The following CDHR3 variants were observed in gnomAD, a reference collection of about 807,000 sequenced individuals.
The protein encoded by CDHR3 is cadherin-related family member 3.
In CDHR3, 79 loss-of-function variants were observed where a neutral mutation model predicts 86.6. That is an observed-to-expected ratio of 0.91 (90% CI 0.76 to 1.10). The LOEUF (loss-of-function observed/expected upper bound fraction) is 1.10, where lower values mean the gene tolerates loss of function less well. Among genes scored for constraint, CDHR3 ranks in the 50% least tolerant of loss-of-function variants. CDHR3 has a pLI of 0.00. For missense variants in CDHR3, 1,081 were observed against 1,077.6 expected, an observed-to-expected ratio of 1.00 and a Z score of -0.04; for synonymous variants, 421 against 402.4, an observed-to-expected ratio of 1.05 and a Z score of -0.55.
rs768150807 is a variant in CDHR3 at position 106,017,564 on chromosome 7, G to GAAACACAC, written c.1427-281_1427-280insAACACACA. Among the ~76,000 whole-genome samples the GAAACACAC allele has an allele frequency of 2.3e-5, 3 of 130,548 alleles. No homozygotes were observed. In the Admixed American group the frequency reaches 2.4e-4, roughly 10 times the overall value. 85.6% of individuals were successfully genotyped at this position (130,548 alleles called of 152,430 possible). A position where few individuals can be genotyped will look rare whatever the true frequency, so the allele number is the denominator to read the frequency against. On this transcript the variant is annotated intron_variant, in intron 11 of 18. Transcript: ENST00000317716. ...ACAGAGTGAGACTCCGTCACACACA[G>GAAACACAC]ACACACACACACACACACACACACA... is the stretch of plus-strand genomic sequence containing the variant.
At chr7:105,965,006 C>G (rs1363289676) in intron 1 of CDHR3, among the ~76,000 whole-genome samples, 1 of 151,882 alleles carries the variant, frequency 6.6e-6, no homozygotes, top group Non-Finnish European at 1.5e-5. Context: ...AGGAAGAACC[C>G]AATTTCTTAT....
intron 17 of CDHR3, among the ~76,000 whole-genome samples, chr7:106,028,941 TTTCTTTC>T (rs1563312060): frequency 1.1e-4 from 16 of 139,370 alleles, no homozygotes; most frequent in African/African-American, 4.3e-4. Context: ...TCTTTCTTTC[TTTCTTTC>T]TTTCTTTCTT....
Position 105,985,855 on chromosome 7 carries a change from C to T in CDHR3, c.513+1566C>T, listed in dbSNP as rs73718735. The stretch of plus-strand genomic sequence containing the variant: ...TTTGTCTGCAAATAACAAAACTTAA[C>T]CATGGGCGTGTACATGGGAACTTTT... On this transcript the variant is annotated intron_variant, in intron 4 of 18. Transcript: ENST00000317716. 2.3e-3 allele frequency among the ~76,000 whole-genome samples: 347 copies of T among 152,304 alleles called. 2 individuals are homozygous for T. The highest frequency in any genetic ancestry group is 7.9e-3 in the African/African-American group (327 of 41,558).
At chr7:105,976,923 A>T (rs1828904649) in intron 2 of CDHR3, among the ~76,000 whole-genome samples, 1 of 151,454 alleles carries the variant, frequency 6.6e-6, no homozygotes, top group South Asian at 2.1e-4. Flanking sequence ...AGTGATGAAG[A>T]TGATCATGTT....
intron 6 of CDHR3, among the ~76,000 whole-genome samples, chr7:105,999,403 C>A (rs1832777382): frequency 6.6e-6 from 1 of 152,198 alleles, no homozygotes; most frequent in African/African-American, 2.4e-5. Flanking sequence ...CTAGATGAGC[C>A]TTCAGAGCAG....
intron 6 of CDHR3, among the ~76,000 whole-genome samples, chr7:105,999,585 C>A (rs1484167115): frequency 6.6e-6 from 1 of 152,136 alleles, no homozygotes; most frequent in Non-Finnish European, 1.5e-5. Context: ...CCACCCCCGG[C>A]CCCCCAGCTG....
At chr7:105,969,640 A>C (rs1332012882) in intron 1 of CDHR3, among the ~76,000 whole-genome samples, 1 of 152,236 alleles carries the variant, frequency 6.6e-6, no homozygotes, top group African/African-American at 2.4e-5. Context: ...ATATTTGTGC[A>C]TACATTGGCT....
In CDHR3 at chr7:106,032,622, C is replaced by T. The variant is rs773924236; in HGVS notation, c.2583C>T (p.Gly861=). ...GTCTGGGTTCCAGAAATGAGGGTGGCAAGCTGGGCAACCCAAAGAACAGAA... is the reference window on the plus strand; with the variant it reads ...GTCTGGGTTCCAGAAATGAGGGTGGTAAGCTGGGCAACCCAAAGAACAGAA... ...DAGLGSRNEG[G]KLGNPKNRNP... Residue 861 remains glycine (G), a synonymous_variant, in exon 19 of 19, where the codon GGC becomes GGT. Coordinates refer to ENST00000317716, the MANE Select transcript of CDHR3 (RefSeq NM_152750.5). The T allele has an allele frequency of 1.9e-6, 3 of 1,613,732 alleles. No individual in the cohort carries two copies. The highest frequency in any genetic ancestry group is 3.3e-5 in the Admixed American group (2 of 59,978).
chr7:105,981,123 C>T lies in CDHR3; in HGVS notation c.405C>T (p.Asn135=), dbSNP rs772113039. The stretch of plus-strand genomic sequence containing the variant: ...ACGAGCCACCTCAGTTTCAAGGCAA[C>T]TTGGCAGAAGGTAGGATACACCAGG... ...DVNEPPQFQG[N]LAEGLHLYIV... Residue 135 remains asparagine (N), a synonymous_variant, in exon 3 of 19, where the codon AAC becomes AAT. Coordinates refer to ENST00000317716, the MANE Select transcript of CDHR3 (RefSeq NM_152750.5). 3 of 1,613,372 alleles carry T rather than the reference C, an allele frequency of 1.9e-6. No homozygotes were observed. Among genetic ancestry groups the T allele is most frequent in the African/African-American group, 1.3e-5 (1 of 74,924 alleles).
At chr7:106,014,380 G>A (rs1027834260) in intron 9 of CDHR3, among the ~76,000 whole-genome samples, 1 of 152,172 alleles carries the variant, frequency 6.6e-6, no homozygotes, top group Non-Finnish European at 1.5e-5. Flanking sequence ...CCTATGGTAA[G>A]TTTAATTTAT....
chr7:105,975,622 G>T (rs1052096851), intron 2 of CDHR3, among the ~76,000 whole-genome samples: 2 of 152,176 alleles, frequency 1.3e-5, no homozygotes, highest in Non-Finnish European at 2.9e-5. Flanking sequence ...TTTCTAGTTT[G>T]TCATTTGAAT....
chr7:105,990,389 A>C lies in CDHR3; in HGVS notation c.514-4362A>C, dbSNP rs370031752. Among the ~76,000 whole-genome samples the C allele has an allele frequency of 2.6e-5, 4 of 151,958 alleles. No homozygotes were observed. In the East Asian group the frequency reaches 7.7e-4, roughly 29 times the overall value. ...AACGATAGTTTTTTTTCTTCTAGGC[A>C]CTCTTCCTCCTTCCTCCTCCACGTC... On this transcript the variant is annotated intron_variant, in intron 4 of 18. Transcript: ENST00000317716.
Position 105,984,186 on chromosome 7 carries a change from G to C in CDHR3, c.416-6G>C. Reference sequence around the variant, plus strand: ...GTTTCTTATTCCACTTTGGACACTGGTCTAGGTCTACACCTCTACATAGTA... The same window carrying C: ...GTTTCTTATTCCACTTTGGACACTGCTCTAGGTCTACACCTCTACATAGTA... On this transcript the variant is annotated splice_polypyrimidine_tract_variant and splice_region_variant and intron_variant, in intron 3 of 18. Transcript: ENST00000317716. The C allele has an allele frequency of 6.4e-7, 1 of 1,558,298 alleles. No homozygotes were observed. Among genetic ancestry groups the C allele is most frequent in the Non-Finnish European group, 8.8e-7 (1 of 1,142,340 alleles).
Position 106,022,213 on chromosome 7 carries a change from A to G in CDHR3, c.1841A>G (p.His614Arg). The change falls in exon 14 of 19, where the codon CAT (histidine) becomes CGT (arginine). Residue 614 changes from histidine to arginine, a missense_variant. By Grantham distance (29) the His-to-Arg change is conservative. Coordinates refer to ENST00000317716, the MANE Select transcript of CDHR3 (RefSeq NM_152750.5). ...YSIGPGNVNN[H>R]FTFSPNAGSN... ...TCTCATTTAGGTAACGTCAACAATC[A>G]TTTCACCTTCTCTCCCAATGCTGGT... 1 of 1,613,902 alleles carries G rather than the reference A, an allele frequency of 6.2e-7. No individual in the cohort carries two copies. Among genetic ancestry groups the G allele is most frequent in the Non-Finnish European group, 8.5e-7 (1 of 1,179,868 alleles).
Position 105,963,287 on chromosome 7 carries a change from G to T in CDHR3, c.-32G>T, listed in dbSNP as rs1563216789. The T allele has an allele frequency of 8.1e-6, 13 of 1,612,538 alleles. No individual in the cohort carries two copies. Among genetic ancestry groups the T allele is most frequent in the Admixed American group, 1.7e-5 (1 of 60,012 alleles). On this transcript the variant is annotated 5_prime_UTR_variant, in exon 1 of 19. Coordinates refer to ENST00000317716, the MANE Select transcript of CDHR3 (RefSeq NM_152750.5). ...ACGGGATTCAGGCTGTGGCTAATGT[G>T]CTGGAAGCACGCACAGTTGTGACCA...
intron 15 of CDHR3, among the ~76,000 whole-genome samples, chr7:106,025,875 T>TA (rs910554762): frequency 3.2e-4 from 49 of 152,186 alleles, no homozygotes; most frequent in Middle Eastern, 3.4e-3. Context: ...TTGATTTTTT[T>TA]AAAAAAAAAC....
chr7:106,007,325 A>C (rs1834081203), intron 8 of CDHR3, among the ~76,000 whole-genome samples: 1 of 152,214 alleles, frequency 6.6e-6, no homozygotes. Context: ...TTACTTATGT[A>C]AATTTCTGCA....
chr7:106,009,626 G>T (rs1231294294), intron 8 of CDHR3, among the ~76,000 whole-genome samples: 1 of 152,184 alleles, frequency 6.6e-6, no homozygotes, highest in Admixed American at 6.5e-5. Flanking sequence ...CTGTGCTCCC[G>T]CAGGGAGGAG....
intron 4 of CDHR3, among the ~76,000 whole-genome samples, chr7:105,987,607 A>T (rs377622165): frequency 1.3e-5 from 2 of 152,118 alleles, no homozygotes; most frequent in Non-Finnish European, 2.9e-5. Context: ...AATTGAAACC[A>T]CTGGGGGAGC....
Sources: allele counts gnomAD v4.1 joint callset (sites outside exome capture counted in the v4.1 genomes callset), GRCh38; gene constraint gnomAD v4.1.1; transcripts MANE v1.5; gene names NCBI Gene and HGNC (gene_info 2026-07-23, HGNC 2026-07-21).